Variants in NRG3 observed in about 807,000 individuals in gnomAD.
The protein encoded by NRG3 is pro-neuregulin-3, membrane-bound isoform.
Under a neutral mutation model 66.9 loss-of-function variants are expected in NRG3, and 31 were observed. That is an observed-to-expected ratio of 0.46 (90% CI 0.35 to 0.63). NRG3 has a LOEUF of 0.63. Ranked by LOEUF, NRG3 falls within the 20% of genes least tolerant of loss-of-function variation. The pLI, the probability that NRG3 is intolerant of heterozygous loss-of-function variation, is 0.00. For synonymous variants in NRG3, 393 were observed against 359.4 expected, an observed-to-expected ratio of 1.09 and a Z score of -1.06; for missense variants, 910 against 878.9, an observed-to-expected ratio of 1.04 and a Z score of -0.45.
At chr10:82,132,190 T>C (rs2068872019) in intron 1 of NRG3, among the ~76,000 whole-genome samples, 1 of 151,918 alleles carries the variant, frequency 6.6e-6, no homozygotes, top group South Asian at 2.1e-4. Flanking sequence ...ATGACTTTTA[T>C]TGTGTTGAGA....
At chr10:82,150,528 C>CAAAAAAAA (rs1264827514) in intron 1 of NRG3, among the ~76,000 whole-genome samples, 2 of 51,738 alleles carry the variant, frequency 3.9e-5, no homozygotes, top group Non-Finnish European at 7.2e-5. Context: ...AAAGAGCACA[C>CAAAAAAAA]ACAAAAAAAA....
At chr10:82,088,484 C>A (rs139592565) in intron 1 of NRG3, among the ~76,000 whole-genome samples, 2 of 152,118 alleles carry the variant, frequency 1.3e-5, no homozygotes, top group African/African-American at 4.8e-5. Context: ...TGTAGAGATA[C>A]ATTTGTCTAT....
Position 82,010,617 on chromosome 10 carries a change from T to C in NRG3, c.823+134454T>C, listed in dbSNP as rs75561677. Among the ~76,000 whole-genome samples, 583 of 152,252 alleles carry C rather than the reference T, an allele frequency of 3.8e-3. 3 individuals carry two copies. Among genetic ancestry groups the C allele is most frequent in the African/African-American group, 0.013 (530 of 41,542 alleles). ...AAAGTTTTCCCATAAACAGGAAAGG[T>C]TCCAGAAGTGACTTTATCAACAAAA... is the stretch of plus-strand genomic sequence containing the variant. On this transcript the variant is annotated intron_variant, in intron 1 of 8. Coordinates refer to ENST00000372141, the MANE Select transcript of NRG3 (RefSeq NM_001010848.4).
At chr10:82,120,765 TG>T (rs76084418) in intron 1 of NRG3, among the ~76,000 whole-genome samples, 10,036 of 152,154 alleles carry the variant, frequency 0.066, 393 homozygotes, top group South Asian at 0.16. Context: ...GGCATTTCTG[TG>T]GACTAATATT....
At chr10:82,158,740 T>G (rs2071360865) in intron 1 of NRG3, among the ~76,000 whole-genome samples, 1 of 151,998 alleles carries the variant, frequency 6.6e-6, no homozygotes, top group South Asian at 2.1e-4. Flanking sequence ...CCACAAATGC[T>G]TACTCTTGAA....
chr10:82,866,572 TTGCGG>T (rs1840761466), intron 4 of NRG3, among the ~76,000 whole-genome samples: 1 of 152,178 alleles, frequency 6.6e-6, no homozygotes, highest in East Asian at 1.9e-4. Flanking sequence ...TCCTGCAGGC[TTGCGG>T]TTTTGTTGGA....
At chr10:82,166,418 T>C (rs959453144) in intron 1 of NRG3, among the ~76,000 whole-genome samples, 3 of 152,202 alleles carry the variant, frequency 2.0e-5, no homozygotes, top group Admixed American at 1.3e-4. Flanking sequence ...ATTTTTCATA[T>C]ATCTCTTTAA....
At chr10:82,408,298 T>C (rs1051802463) in intron 2 of NRG3, among the ~76,000 whole-genome samples, 1 of 152,116 alleles carries the variant, frequency 6.6e-6, no homozygotes, top group Non-Finnish European at 1.5e-5. Context: ...AATCAAATAC[T>C]GTGGTCAAGA....
intron 1 of NRG3, among the ~76,000 whole-genome samples, chr10:82,326,687 A>G (rs1480632139): frequency 6.6e-6 from 1 of 152,000 alleles, no homozygotes; most frequent in Admixed American, 6.6e-5. Flanking sequence ...CATCCAGTGC[A>G]TTTGTTATTT....
At chr10:82,565,792 A>G (rs1275556446) in intron 2 of NRG3, among the ~76,000 whole-genome samples, 1 of 152,002 alleles carries the variant, frequency 6.6e-6, no homozygotes, top group Non-Finnish European at 1.5e-5. Flanking sequence ...GATTCATTCC[A>G]GCGTTGGAAG....
At chr10:82,088,985 AGAG>A (rs957482927) in intron 1 of NRG3, among the ~76,000 whole-genome samples, 2 of 152,046 alleles carry the variant, frequency 1.3e-5, no homozygotes, top group African/African-American at 4.8e-5. Context: ...AAAAACCAGC[AGAG>A]AAGATTTTTT....
chr10:82,729,420 T>C (rs118088210), intron 2 of NRG3, among the ~76,000 whole-genome samples: 357 of 152,182 alleles, frequency 2.3e-3, no homozygotes, highest in Non-Finnish European at 4.0e-3. Context: ...ACTGTCTCAT[T>C]TACATTCTTA....
At chr10:82,534,755 GAAAT>G (rs144155905) in intron 2 of NRG3, among the ~76,000 whole-genome samples, 8,884 of 152,182 alleles carry the variant, frequency 0.058, 568 homozygotes, top group East Asian at 0.16. Flanking sequence ...AGAGAGCCCA[GAAAT>G]AAATCCATGT....
intron 2 of NRG3, among the ~76,000 whole-genome samples, chr10:82,598,108 CA>C (rs1220866958): frequency 6.6e-6 from 1 of 152,046 alleles, no homozygotes; most frequent in Non-Finnish European, 1.5e-5. Context: ...TTAAATTCAT[CA>C]TTTTTATAGA....
chr10:82,089,508 G>T (rs2065910236), intron 1 of NRG3, among the ~76,000 whole-genome samples: 1 of 152,142 alleles, frequency 6.6e-6, no homozygotes, highest in South Asian at 2.1e-4. Context: ...GCAGCCAGGG[G>T]GTGGAGTGGT....
chr10:81,990,857 T>A (rs1169719140), intron 1 of NRG3, among the ~76,000 whole-genome samples: 2 of 151,936 alleles, frequency 1.3e-5, no homozygotes, highest in Admixed American at 6.6e-5. Context: ...TGCTTAAAAT[T>A]AAAAAAAATA....
intron 1 of NRG3, among the ~76,000 whole-genome samples, chr10:82,294,591 T>C (rs1213742039): frequency 6.6e-6 from 1 of 152,148 alleles, no homozygotes; most frequent in Non-Finnish European, 1.5e-5. Context: ...TTGTTACATA[T>C]AAAGACAATG....
chr10:82,269,784 G>A (rs572345685), intron 1 of NRG3, among the ~76,000 whole-genome samples: 8 of 152,234 alleles, frequency 5.3e-5, no homozygotes, highest in African/African-American at 1.9e-4. Flanking sequence ...AAGGTCTGGG[G>A]TGAATCCTGA....
At chr10:82,286,895 C>T (rs184922661) in intron 1 of NRG3, among the ~76,000 whole-genome samples, 1 of 152,244 alleles carries the variant, frequency 6.6e-6, no homozygotes, top group Non-Finnish European at 1.5e-5. Context: ...TAGATATAAC[C>T]ATTTCTTATA....
Sources: gnomAD v4.1 joint callset for allele counts (sites outside exome capture counted in the v4.1 genomes callset) on GRCh38, gnomAD v4.1.1 for gene constraint, MANE v1.5 for transcripts, NCBI Gene and HGNC (gene_info 2026-07-23, HGNC 2026-07-21) for gene names.